Variants in NRXN1 observed in about 807,000 individuals in gnomAD.
NRXN1 encodes the protein neurexin-1.
NRXN1 carries 39 observed loss-of-function variants against 150.9 expected under a neutral mutation model. That is an observed-to-expected ratio of 0.26 (90% CI 0.20 to 0.34). The LOEUF is 0.34. NRXN1 is among the 10% of genes least tolerant of loss of function. The pLI is 1.00. For synonymous variants in NRXN1, 924 were observed against 757.0 expected, an observed-to-expected ratio of 1.22 and a Z score of -3.62; for missense variants, 1,815 against 1,949.9, an observed-to-expected ratio of 0.93 and a Z score of 1.30.
intron 21 of NRXN1, among the ~76,000 whole-genome samples, chr2:49,957,451 C>T (rs1320272146): frequency 6.6e-6 from 1 of 152,064 alleles, no homozygotes; most frequent in African/African-American, 2.4e-5. Flanking sequence ...AACTTTATTC[C>T]TAGCACTGGA....
intron 2 of NRXN1, among the ~76,000 whole-genome samples, chr2:50,966,888 C>T (rs1694193173): frequency 6.6e-6 from 1 of 151,896 alleles, no homozygotes; most frequent in Admixed American, 6.6e-5. Flanking sequence ...AACAAGACAG[C>T]AATCCTTCCA....
chr2:50,622,783 C>G (rs1680267823), intron 6 of NRXN1, among the ~76,000 whole-genome samples: 1 of 152,102 alleles, frequency 6.6e-6, no homozygotes, highest in Non-Finnish European at 1.5e-5. Context: ...AAAGTATCTT[C>G]AAAAACAGAC....
intron 5 of NRXN1, among the ~76,000 whole-genome samples, chr2:50,886,171 G>C (rs921429759): frequency 1.3e-5 from 2 of 150,918 alleles, no homozygotes; most frequent in African/African-American, 2.4e-5. Context: ...CAAACACAAA[G>C]GTGTTTACCC....
intron 2 of NRXN1, among the ~76,000 whole-genome samples, chr2:51,002,835 T>G (rs1700243278): frequency 1.3e-5 from 2 of 151,998 alleles, no homozygotes; most frequent in Non-Finnish European, 2.9e-5. Flanking sequence ...GTTTTCTTTC[T>G]CTGTTCATCT....
intron 18 of NRXN1, among the ~76,000 whole-genome samples, chr2:50,209,771 G>C (rs1023539702): frequency 2.0e-5 from 3 of 151,704 alleles, no homozygotes; most frequent in African/African-American, 7.3e-5. Context: ...GATATAACTT[G>C]GTGTTTTCAA....
chr2:50,193,386 T>C (rs1219223857), intron 18 of NRXN1, among the ~76,000 whole-genome samples: 1 of 152,202 alleles, frequency 6.6e-6, no homozygotes, highest in Non-Finnish European at 1.5e-5. Flanking sequence ...TTCTTTTTCC[T>C]TTACTTTTTA....
At chr2:50,568,897 T>G (rs1670248312) in intron 8 of NRXN1, among the ~76,000 whole-genome samples, 1 of 152,050 alleles carries the variant, frequency 6.6e-6, no homozygotes, top group Admixed American at 6.6e-5. Context: ...AACCTAAGTG[T>G]CCACCAACAG....
At chr2:51,030,879 C>CT (rs61452371) in intron 1 of NRXN1, among the ~76,000 whole-genome samples, 11,583 of 147,006 alleles carry the variant, frequency 0.079, 806 homozygotes, top group East Asian at 0.27. Context: ...GTTAGAAAAC[C>CT]TTTTTTTTTT....
intron 17 of NRXN1, among the ~76,000 whole-genome samples, chr2:50,250,766 G>A (rs2066962915): frequency 6.6e-6 from 1 of 151,676 alleles, no homozygotes; most frequent in Non-Finnish European, 1.5e-5. Flanking sequence ...CTATCTTTAT[G>A]AGAAATAAAA....
At chr2:50,481,616 G>A (rs547943963) in intron 15 of NRXN1, among the ~76,000 whole-genome samples, 41 of 152,194 alleles carry the variant, frequency 2.7e-4, no homozygotes, top group African/African-American at 8.2e-4. Flanking sequence ...CAGCACTTAC[G>A]TGGGACAAGT....
intron 15 of NRXN1, among the ~76,000 whole-genome samples, chr2:50,483,050 C>CAAAAAA (rs70948712): frequency 1.3e-5 from 1 of 75,414 alleles, no homozygotes; most frequent in Non-Finnish European, 2.4e-5. Flanking sequence ...GACTCCGTGT[C>CAAAAAA]AAAAAAAAAA....
intron 12 of NRXN1, among the ~76,000 whole-genome samples, chr2:50,512,848 C>A (rs2092501410): frequency 6.6e-6 from 1 of 152,154 alleles, no homozygotes; most frequent in Non-Finnish European, 1.5e-5. Context: ...TTACAAAGAA[C>A]CTCACTGCCA....
At chr2:50,718,599 T>A (rs1048641444) in intron 5 of NRXN1, among the ~76,000 whole-genome samples, 1 of 152,180 alleles carries the variant, frequency 6.6e-6, no homozygotes, top group African/African-American at 2.4e-5. Flanking sequence ...AGTACAAAGC[T>A]AGATGGCCAA....
In NRXN1 at chr2:50,354,586, T is replaced by TATATATAC. The variant is rs1273118975; in HGVS notation, c.3364+110855_3364+110856insGTATATAT. On this transcript the variant is annotated intron_variant, in intron 17 of 22. Transcript: ENST00000401669. ...ATATATATATATATATATATATATATACACACACACACTAGCTTTTTGCTG... is the reference window on the plus strand; with the variant it reads ...ATATATATATATATATATATATATATATATATACACACACACACACTAGCTTTTTGCTG... 3.5e-3 allele frequency among the ~76,000 whole-genome samples: 436 copies of TATATATAC among 124,716 alleles called. 2 individuals are homozygous for TATATATAC. The highest frequency in any genetic ancestry group is 5.0e-3 in the Non-Finnish European group (293 of 58,098). The allele number at this position is 124,716 out of a possible 152,430, so 81.8% of individuals were successfully genotyped here.
At chr2:50,721,220 T>C (rs1307697743) in intron 5 of NRXN1, among the ~76,000 whole-genome samples, 1 of 152,118 alleles carries the variant, frequency 6.6e-6, no homozygotes, top group Admixed American at 6.5e-5. Flanking sequence ...CAGAGCAGGG[T>C]GCCCTAAGAA....
chr2:50,204,639 G>C (rs936237231), intron 18 of NRXN1, among the ~76,000 whole-genome samples: 1 of 152,040 alleles, frequency 6.6e-6, no homozygotes, highest in Non-Finnish European at 1.5e-5. Context: ...GATATGGCTT[G>C]CCATTTGGTT....
At chr2:50,086,592 A>G (rs1698800717) in intron 19 of NRXN1, among the ~76,000 whole-genome samples, 1 of 152,148 alleles carries the variant, frequency 6.6e-6, no homozygotes. Context: ...CGGCATTTTG[A>G]AAGTTAATAC....
intron 5 of NRXN1, chr2:50,918,396 T>C (rs1237853611): frequency 6.5e-6 from 2 of 305,852 alleles, no homozygotes; most frequent in East Asian, 4.4e-5. Context: ...TCTGCCCTCA[T>C]AGAGCTTACA....
At chr2:50,263,456 A>G (rs2068516334) in intron 17 of NRXN1, among the ~76,000 whole-genome samples, 1 of 152,070 alleles carries the variant, frequency 6.6e-6, no homozygotes, top group Non-Finnish European at 1.5e-5. Flanking sequence ...TTATTTTTAT[A>G]TAGGTAGCTA....
Sources: gnomAD v4.1 joint callset for allele counts (sites outside exome capture counted in the v4.1 genomes callset) on GRCh38, gnomAD v4.1.1 for gene constraint, MANE v1.5 for transcripts, NCBI Gene and HGNC (gene_info 2026-07-23, HGNC 2026-07-21) for gene names.